SLC26A8: variants seen among roughly 807,000 people sequenced by gnomAD.
SLC26A8 encodes the protein testis anion transporter 1.
A neutral mutation model predicts 105.0 loss-of-function variants in SLC26A8; 70 were observed. That is an observed-to-expected ratio of 0.67 (90% confidence interval 0.55 to 0.81). The LOEUF (loss-of-function observed/expected upper bound fraction) is 0.81. SLC26A8 is among the 40% of genes least tolerant of loss of function. The pLI is 0.00. For synonymous variants in SLC26A8, 415 were observed against 438.3 expected (o/e 0.95, Z 0.66); for missense variants, 998 against 1,181.8 (o/e 0.84, Z 2.28).
chr6:35,994,408 C>T (rs1269507577), intron 5 of SLC26A8, among the ~76,000 whole-genome samples: 2 of 151,948 alleles, frequency 1.3e-5, no homozygotes, highest in African/African-American at 4.8e-5. Flanking sequence ...GCCACTGCGC[C>T]CTGCCAACTG....
chr6:35,944,847 TTTA>T (rs1562011586), intron 19 of SLC26A8, among the ~76,000 whole-genome samples: 1 of 152,022 alleles, frequency 6.6e-6, no homozygotes, highest in African/African-American at 2.4e-5. Flanking sequence ...TACTTTTCTG[TTTA>T]TTATTATTAT....
chr6:36,014,223 G>A (rs1437857411), intron 2 of SLC26A8, among the ~76,000 whole-genome samples: 1 of 152,176 alleles, frequency 6.6e-6, no homozygotes, highest in Non-Finnish European at 1.5e-5. Flanking sequence ...TCCTCTCTGT[G>A]TGTCACTTAG....
chr6:36,000,774 G>A (rs1416373792), intron 3 of SLC26A8, among the ~76,000 whole-genome samples: 2 of 152,152 alleles, frequency 1.3e-5, no homozygotes, highest in African/African-American at 2.4e-5. Context: ...TATGAATTTA[G>A]TGAGGTGGTT....
chr6:35,944,341 C>A lies in SLC26A8; in HGVS notation c.2473-1G>T, dbSNP rs535416396. On this transcript the variant is annotated splice_acceptor_variant, in intron 19 of 19. Coordinates refer to ENST00000490799, the MANE Select transcript of SLC26A8 (RefSeq NM_052961.4). LOFTEE classifies it high-confidence loss of function. ...TCATTTTATATCTTGAATTGTCATT[C>A]TGAAATACAATTAGGTGGGTTAAAA... 1.3e-6 allele frequency: 2 copies of A among 1,599,428 alleles called. No individual in the cohort carries two copies. Among genetic ancestry groups the A allele is most frequent in the African/African-American group, 2.7e-5 (2 of 74,470 alleles).
At chr6:35,971,166 C>T (rs1772782658) in intron 10 of SLC26A8, among the ~76,000 whole-genome samples, 1 of 152,188 alleles carries the variant, frequency 6.6e-6, no homozygotes, top group African/African-American at 2.4e-5. Flanking sequence ...GCTGCACATT[C>T]ATAGGAATGG....
At chr6:35,996,247 TACTTA>T (rs1439536088) in intron 5 of SLC26A8, among the ~76,000 whole-genome samples, 1 of 152,144 alleles carries the variant, frequency 6.6e-6, no homozygotes, top group African/African-American at 2.4e-5. Flanking sequence ...AATAAATCTT[TACTTA>T]GTGAAAGACA....
intron 8 of SLC26A8, among the ~76,000 whole-genome samples, chr6:35,978,146 G>GAAAAAAAAAAAAAAAAAAA (rs199662420): frequency 3.0e-5 from 2 of 65,744 alleles, no homozygotes; most frequent in Non-Finnish European, 6.9e-5. Context: ...AGCACAAGAA[G>GAAAAAAAAAAAAAAAAAAA]AAAAAAAAAA....
chr6:35,972,912 A>T (rs1018447472), intron 10 of SLC26A8, among the ~76,000 whole-genome samples: 3 of 152,212 alleles, frequency 2.0e-5, no homozygotes. Flanking sequence ...TCTGCATTGC[A>T]CGCACAAGTG....
rs1467296253 is a variant in SLC26A8, at chr6:35,997,924, GGAA to G, written c.446-8_446-6del. 3 of 1,612,718 alleles carry G rather than the reference GGAA, an allele frequency of 1.9e-6. No homozygotes were observed. The highest frequency in any genetic ancestry group is 2.5e-6 in the Non-Finnish European group (3 of 1,179,420). ...CACTCACCAGGAAGAAGGAACCTGTGGAAGAAGATGTTAGGTAGAAGGTGAAGT... is the reference window on the plus strand; with the variant it reads ...CACTCACCAGGAAGAAGGAACCTGTGGAAGATGTTAGGTAGAAGGTGAAGT... On this transcript the variant is annotated splice_region_variant and splice_polypyrimidine_tract_variant and intron_variant, in intron 4 of 19. Coordinates refer to ENST00000490799, the MANE Select transcript of SLC26A8 (RefSeq NM_052961.4).
At chr6:36,012,180 G>A (rs1761877897) in intron 3 of SLC26A8, 53 bp downstream of exon 3, 8 of 1,576,024 alleles carry the variant, frequency 5.1e-6, no homozygotes, top group Non-Finnish European at 6.9e-6. Context: ...CTGGGCACGT[G>A]GACAAGGTCT....
intron 11 of SLC26A8, among the ~76,000 whole-genome samples, chr6:35,964,893 G>A (rs1772445764): frequency 6.6e-6 from 1 of 151,700 alleles, no homozygotes; most frequent in African/African-American, 2.4e-5. Flanking sequence ...CTTGAACCTG[G>A]GAGGCAGAGG....
intron 7 of SLC26A8, chr6:35,990,121 G>C (rs1773706279): frequency 6.4e-6 from 1 of 156,460 alleles, no homozygotes; most frequent in Non-Finnish European, 1.4e-5. Flanking sequence ...ATTTTTATTA[G>C]AGACAGGGTT....
chr6:35,988,621 C>G (rs895324282), intron 7 of SLC26A8, among the ~76,000 whole-genome samples: 1 of 151,460 alleles, frequency 6.6e-6, no homozygotes, highest in African/African-American at 2.4e-5. Flanking sequence ...GGTGACAGAG[C>G]GAGATTCTGC....
chr6:35,978,407 C>T (rs1248774799), intron 8 of SLC26A8, among the ~76,000 whole-genome samples: 1 of 152,024 alleles, frequency 6.6e-6, no homozygotes, highest in Admixed American at 6.6e-5. Flanking sequence ...TAAGTCAAAT[C>T]TGGAAGCACA....
intron 14 of SLC26A8, 52 bp from the exon 15 acceptor site, chr6:35,959,858 T>A: frequency 1.5e-6 from 2 of 1,327,948 alleles, no homozygotes; most frequent in Non-Finnish European, 2.1e-6. Context: ...TTTTATGGAA[T>A]AAGAATAATA....
intron 16 of SLC26A8, among the ~76,000 whole-genome samples, chr6:35,955,950 G>A (rs1337513556): frequency 6.6e-6 from 1 of 152,028 alleles, no homozygotes; most frequent in Non-Finnish European, 1.5e-5. Context: ...AAGACAAAAA[G>A]CACTTGAAGG....
chr6:36,012,787 C>A (rs977094318), intron 2 of SLC26A8, among the ~76,000 whole-genome samples: 1 of 152,184 alleles, frequency 6.6e-6, no homozygotes, highest in Admixed American at 6.5e-5. Flanking sequence ...AGAATTAAAC[C>A]TACCAATTTT....
At chr6:35,994,474 G>A (rs1761290976) in intron 5 of SLC26A8, among the ~76,000 whole-genome samples, 2 of 151,880 alleles carry the variant, frequency 1.3e-5, no homozygotes, top group South Asian at 4.2e-4. Flanking sequence ...CTCTAGTCAG[G>A]CCAGTCTGCT....
intron 19 of SLC26A8, among the ~76,000 whole-genome samples, chr6:35,945,353 G>A (rs765352064): frequency 1.3e-5 from 2 of 152,092 alleles, no homozygotes; most frequent in African/African-American, 2.4e-5. Flanking sequence ...AACAGCAATG[G>A]ACTTAACAAC....
Sources: allele counts gnomAD v4.1 joint callset (sites outside exome capture counted in the v4.1 genomes callset), GRCh38; gene constraint gnomAD v4.1.1; transcripts MANE v1.5; gene names NCBI Gene and HGNC (gene_info 2026-07-23, HGNC 2026-07-21).